Variants in DNAJC9 observed in about 807,000 individuals in gnomAD.
DNAJC9 encodes dnaJ homolog subfamily C member 9.
Under a neutral mutation model 32.4 loss-of-function variants are expected in DNAJC9, and 18 were observed. The observed-to-expected ratio is 0.56, with a 90% confidence interval of 0.38 to 0.82. The LOEUF is 0.82. Among genes scored for constraint, DNAJC9 ranks in the 40% least tolerant of loss-of-function variants. The pLI is 0.00. For missense variants in DNAJC9, 310 were observed against 321.8 expected (o/e 0.96, Z 0.28); for synonymous variants, 113 against 122.1 (o/e 0.93, Z 0.49).
chr10:73,244,064 A>G, intron 3 of DNAJC9, 135 bp from the exon 4 acceptor site: 1 of 663,176 alleles, frequency 1.5e-6, no homozygotes, highest in Non-Finnish European at 2.6e-6. Flanking sequence ...GAATTACATA[A>G]CTATGTCATT....
chr10:73,246,273 C>T, intron 2 of DNAJC9, 97 bp from the exon 3 acceptor site: 1 of 1,320,430 alleles, frequency 7.6e-7, no homozygotes, highest in South Asian at 1.3e-5. Flanking sequence ...TGCTGCAATA[C>T]AACAGTTGCT....
intron 4 of DNAJC9, 43 bp downstream of exon 4, chr10:73,243,800 G>T: frequency 4.6e-6 from 7 of 1,512,422 alleles, no homozygotes; most frequent in Non-Finnish European, 6.4e-6. Context: ...TTAGCAGTAG[G>T]AATCAGATCA....
At chr10:73,237,590 T>G (rs992283254), downstream of DNAJC9, among the ~76,000 whole-genome samples, 3 of 152,106 alleles carry the variant, frequency 2.0e-5, no homozygotes, top group Non-Finnish European at 4.4e-5. Flanking sequence ...CAGCTAATTT[T>G]TGTATTCTTT....
chr10:73,246,765 C>T lies in DNAJC9; in HGVS notation c.244G>A (p.Gly82Arg), dbSNP rs2044016043. Residue 82 changes from glycine to arginine, a missense_variant, in exon 2 of 5, where the codon GGA becomes AGA. Gly to Arg is a moderately radical substitution (Grantham distance 125, BLOSUM62 -2). Coordinates refer to ENST00000372950, the MANE Select transcript of DNAJC9 (RefSeq NM_015190.5). ...REQRAVYDEQ[G>R]TVDEDSPVLT... ...ACAGGAGAGTCCTCGTCCACTGTTCCCTGCTCATCGTACACTGCTCTCTGT... is the reference window on the plus strand; with the variant it reads ...ACAGGAGAGTCCTCGTCCACTGTTCTCTGCTCATCGTACACTGCTCTCTGT... The T allele has an allele frequency of 6.2e-7, 1 of 1,614,132 alleles. No homozygotes were observed. The highest frequency in any genetic ancestry group is 8.5e-7 in the Non-Finnish European group (1 of 1,179,998).
chr10:73,246,088 A>T lies in DNAJC9; in HGVS notation c.410T>A (p.Phe137Tyr). The change falls in exon 3 of 5, where the codon TTC (phenylalanine) becomes TAC (tyrosine). Residue 137 changes from phenylalanine to tyrosine, a missense_variant. Physicochemically the swap from Phe to Tyr is conservative, Grantham distance 22. Transcript: ENST00000372950. ...CATGATCTGATCCATGTCACCCTTG[A>T]AGTCCAGATAGGCCTGCTTAATATC... Reference protein sequence around the residue: ...LADIKQAYLDFKGDMDQIMES... With the variant: ...LADIKQAYLDYKGDMDQIMES... 1 of 1,613,904 alleles carries T rather than the reference A, an allele frequency of 6.2e-7. No individual in the cohort carries two copies.
chr10:73,241,314 A>C (rs973804688), downstream of DNAJC9: 4 of 377,928 alleles, frequency 1.1e-5, no homozygotes, highest in African/African-American at 2.1e-5. Flanking sequence ...TGCTCATGTT[A>C]TCTCTTAACA....
At chr10:73,233,221 C>A (rs1046159396) in intron 2 of DNAJC9, 4 of 1,179,328 alleles carry the variant, frequency 3.4e-6, no homozygotes, top group East Asian at 2.5e-5. Context: ...ATTTTACATA[C>A]AGAATTAATT....
intron 3 of DNAJC9, 140 bp from the exon 4 acceptor site, chr10:73,244,069 G>A (rs1589204619): frequency 1.5e-6 from 1 of 652,322 alleles, no homozygotes; most frequent in East Asian, 2.9e-5. Context: ...ACATAACTAT[G>A]TCATTCATTA....
At chr10:73,234,394 T>A (rs746694463), downstream of DNAJC9, 19 of 168,874 alleles carry the variant, frequency 1.1e-4, no homozygotes, top group Non-Finnish European at 2.3e-4. Flanking sequence ...CTGCTCCAGA[T>A]CCTACTGAAG....
intron 3 of DNAJC9, among the ~76,000 whole-genome samples, chr10:73,245,632 A>G (rs1326201154): frequency 6.6e-6 from 1 of 152,122 alleles, no homozygotes; most frequent in East Asian, 1.9e-4. Flanking sequence ...TCTCCTGAGG[A>G]ATGCCTCAGG....
chr10:73,246,243 A>G, intron 2 of DNAJC9, 67 bp from the exon 3 acceptor site: 1 of 1,539,274 alleles, frequency 6.5e-7, no homozygotes, highest in Non-Finnish European at 8.8e-7. Context: ...CGTTAGTAAA[A>G]CTAGAGTTGG....
downstream of DNAJC9, chr10:73,234,482 A>G (rs1046796408): frequency 7.4e-6 from 2 of 271,996 alleles, no homozygotes; most frequent in Non-Finnish European, 7.1e-6. Context: ...AGAACTGTCA[A>G]GAATTCCATC....
intron 3 of DNAJC9, among the ~76,000 whole-genome samples, chr10:73,245,524 T>A (rs16930450): frequency 3.8e-4 from 58 of 152,056 alleles, no homozygotes; most frequent in African/African-American, 1.4e-3. Context: ...CCCAAACATC[T>A]GCACTTTTAA....
At chr10:73,235,019 G>T, downstream of DNAJC9, 1 of 1,508,890 alleles carries the variant, frequency 6.6e-7, no homozygotes, top group South Asian at 1.3e-5. Context: ...TCTGTGCCCT[G>T]ATCTTGATTT....
In DNAJC9 at chr10:73,243,982, C is replaced by A. The variant is rs2043980955; in HGVS notation, c.577-53G>T. On this transcript the variant is annotated intron_variant, in intron 3 of 4. Coordinates refer to ENST00000372950, the MANE Select transcript of DNAJC9 (RefSeq NM_015190.5). ...GGGCCACCAGGAAATGCTTAAAATA[C>A]ATACTCTTTCCCAAAAGCAAATCTA... The A allele has an allele frequency of 3.5e-6, 5 of 1,440,546 alleles. No homozygotes were observed. The East Asian group carries it at 9.1e-5, about 26-fold the overall frequency. The allele number at this position is 1,440,546 out of a possible 1,614,324, so 89.2% of individuals were successfully genotyped here. A position where few individuals can be genotyped will look rare whatever the true frequency, so the allele number is the denominator to read the frequency against.
At chr10:73,241,863 C>T (rs1341040003), downstream of DNAJC9, 1 of 152,208 alleles carries the variant, frequency 6.6e-6, no homozygotes, top group Admixed American at 6.5e-5. Context: ...ATTAATTCAG[C>T]ATAAACATAT....
chr10:73,246,993 G>T lies in DNAJC9; in HGVS notation c.180+17C>A. 6.4e-7 allele frequency: 1 copy of T among 1,558,980 alleles called. No homozygotes were observed. On this transcript the variant is annotated intron_variant, in intron 1 of 4. Coordinates refer to ENST00000372950, the MANE Select transcript of DNAJC9 (RefSeq NM_015190.5). ...GGCCCGCGCAGCCGGTCGGCTTCGG[G>T]GCGGGACCCTGCATACCTGGAAGCG...
chr10:73,244,287 G>GGAGT (rs2043983909), intron 3 of DNAJC9: 1 of 203,222 alleles, frequency 4.9e-6, no homozygotes, highest in Admixed American at 5.8e-5. Flanking sequence ...CTTGAACTCA[G>GGAGT]GAGTTCAAGA....
chr10:73,240,894 G>A (rs562365791), downstream of DNAJC9: 115 of 1,073,398 alleles, frequency 1.1e-4, no homozygotes, highest in South Asian at 1.5e-3. Context: ...AAACTTGAGA[G>A]TGATTATCAA....
Sources: allele counts gnomAD v4.1 joint callset (sites outside exome capture counted in the v4.1 genomes callset), GRCh38; gene constraint gnomAD v4.1.1; transcripts MANE v1.5; gene names NCBI Gene and HGNC (gene_info 2026-07-23, HGNC 2026-07-21).